NOL4: variants seen among roughly 807,000 people sequenced by gnomAD.
NOL4 encodes cancer/testis antigen 125.
NOL4 carries 17 observed loss-of-function variants against 75.9 expected under a neutral mutation model. The observed-to-expected ratio is 0.22, with a 90% confidence interval of 0.15 to 0.34. The LOEUF (loss-of-function observed/expected upper bound fraction) is 0.34. Ranked by LOEUF, NOL4 falls within the 10% of genes least tolerant of loss-of-function variation. The pLI is 1.00. For synonymous variants in NOL4, 292 were observed against 289.9 expected, an observed-to-expected ratio of 1.01 and a Z score of -0.07; for missense variants, 614 against 793.5, an observed-to-expected ratio of 0.77 and a Z score of 2.72.
chr18:33,880,702 C>T lies in NOL4; in HGVS notation c.1723+2542G>A, dbSNP rs538456471. ...CATGAAGTTGGAGAAATTCCTGGCC[C>T]CTCAAATTTTCCAAATCAAAAGCCT... On this transcript the variant is annotated intron_variant, in intron 10 of 10. Coordinates refer to ENST00000261592, the MANE Select transcript of NOL4 (RefSeq NM_003787.5). Among the ~76,000 whole-genome samples the T allele has an allele frequency of 2.2e-4, 34 of 152,042 alleles. No homozygotes were observed. The South Asian group carries it at 4.2e-3, about 19-fold the overall frequency.
At chr18:34,192,407 C>A (rs1024326340) in intron 1 of NOL4, among the ~76,000 whole-genome samples, 11 of 152,084 alleles carry the variant, frequency 7.2e-5, no homozygotes, top group Admixed American at 2.0e-4. Context: ...ATAGCCAAAG[C>A]AATCTTGAGC....
intron 1 of NOL4, among the ~76,000 whole-genome samples, chr18:34,211,968 T>C (rs1254959349): frequency 6.6e-6 from 1 of 152,180 alleles, no homozygotes; most frequent in Non-Finnish European, 1.5e-5. Context: ...AATTATAGAA[T>C]GGTTATTTCT....
At chr18:34,050,770 G>A (rs59039296) in intron 5 of NOL4, among the ~76,000 whole-genome samples, 5,428 of 152,162 alleles carry the variant, frequency 0.036, 164 homozygotes, top group South Asian at 0.095. Context: ...TAGGGAAAAT[G>A]AGAGTAGGAA....
At chr18:34,221,891 C>G in intron 1 of NOL4, 1 of 695,072 alleles carries the variant, frequency 1.4e-6, no homozygotes, top group Admixed American at 2.7e-5. Context: ...TCCAGGAATA[C>G]TGCACCGGGA....
intron 5 of NOL4, among the ~76,000 whole-genome samples, chr18:34,023,030 A>G (rs1005623247): frequency 2.0e-5 from 3 of 152,178 alleles, no homozygotes; most frequent in Non-Finnish European, 4.4e-5. Context: ...TACCAAGGTA[A>G]CTAAATTCAA....
At chr18:33,975,398 A>G (rs912693144) in intron 6 of NOL4, among the ~76,000 whole-genome samples, 2 of 152,214 alleles carry the variant, frequency 1.3e-5, no homozygotes, top group African/African-American at 4.8e-5. Context: ...AAGGTAAGGA[A>G]TATCTTCTTC....
intron 9 of NOL4, among the ~76,000 whole-genome samples, chr18:33,884,525 A>G (rs1208676823): frequency 6.6e-6 from 1 of 152,154 alleles, no homozygotes; most frequent in Non-Finnish European, 1.5e-5. Context: ...CAATAGCAAT[A>G]CAGATTGAAT....
At chr18:34,062,970 T>C (rs915710828) in intron 5 of NOL4, among the ~76,000 whole-genome samples, 8 of 152,278 alleles carry the variant, frequency 5.3e-5, no homozygotes, top group Admixed American at 3.9e-4. Flanking sequence ...CTTTATATCA[T>C]AGAATTACGG....
intron 2 of NOL4, 79 bp downstream of exon 2, chr18:34,129,792 T>G: frequency 7.9e-7 from 1 of 1,273,680 alleles, no homozygotes; most frequent in Non-Finnish European, 1.0e-6. Context: ...ATATTTATAA[T>G]TATCGAACCC....
chr18:33,862,487 C>T (rs1403339661), intron 10 of NOL4, among the ~76,000 whole-genome samples: 4 of 151,920 alleles, frequency 2.6e-5, no homozygotes, highest in Admixed American at 2.0e-4. Context: ...ACCGGCAACG[C>T]ACAAAATGGG....
chr18:34,092,149 T>C (rs1039710055), intron 5 of NOL4, among the ~76,000 whole-genome samples: 5 of 151,940 alleles, frequency 3.3e-5, no homozygotes, highest in Non-Finnish European at 7.4e-5. Flanking sequence ...TTACTAAGAA[T>C]ATTTCAGTTA....
intron 9 of NOL4, among the ~76,000 whole-genome samples, chr18:33,921,873 T>C (rs1485664345): frequency 2.6e-5 from 4 of 152,164 alleles, no homozygotes; most frequent in African/African-American, 9.7e-5. Context: ...TTTTAGTAAC[T>C]GTATCTGATC....
At chr18:33,973,863 G>A (rs1253952709) in intron 6 of NOL4, among the ~76,000 whole-genome samples, 1 of 152,188 alleles carries the variant, frequency 6.6e-6, no homozygotes, top group Non-Finnish European at 1.5e-5. Flanking sequence ...CACAGGCAGT[G>A]TAGATTTAGC....
intron 6 of NOL4, among the ~76,000 whole-genome samples, chr18:33,975,067 C>T (rs1466013706): frequency 3.2e-5 from 3 of 95,136 alleles, no homozygotes; most frequent in South Asian, 5.2e-4. Flanking sequence ...AAGACCCTCA[C>T]AAAAAAGCAA....
chr18:33,907,582 CACAATGGAGGT>C (rs944261138), intron 9 of NOL4, among the ~76,000 whole-genome samples: 1 of 152,016 alleles, frequency 6.6e-6, no homozygotes, highest in Non-Finnish European at 1.5e-5. Flanking sequence ...CTTTTAGAAG[CACAATGGAGGT>C]ACATTTTTTT....
intron 8 of NOL4, among the ~76,000 whole-genome samples, chr18:33,945,599 T>C (rs2068780463): frequency 7.5e-6 from 1 of 133,674 alleles, no homozygotes; most frequent in African/African-American, 2.5e-5. Flanking sequence ...TCTCATAAAC[T>C]AGAGTAATGT....
intron 5 of NOL4, among the ~76,000 whole-genome samples, chr18:34,082,206 C>G (rs141769424): frequency 1.3e-5 from 2 of 152,086 alleles, no homozygotes; most frequent in Non-Finnish European, 2.9e-5. Context: ...ATAATAAATG[C>G]GGTGGTTACA....
chr18:34,092,030 T>C (rs2078546050), intron 5 of NOL4, among the ~76,000 whole-genome samples: 1 of 151,552 alleles, frequency 6.6e-6, no homozygotes, highest in Admixed American at 6.6e-5. Context: ...TCCTCTACAT[T>C]CTCTATACAC....
intron 9 of NOL4, among the ~76,000 whole-genome samples, chr18:33,898,536 T>C (rs1164951956): frequency 6.6e-6 from 1 of 152,148 alleles, no homozygotes; most frequent in Non-Finnish European, 1.5e-5. Flanking sequence ...TAATGCACCA[T>C]GCCATTTTTT....
Sources: allele counts gnomAD v4.1 joint callset (sites outside exome capture counted in the v4.1 genomes callset), GRCh38; gene constraint gnomAD v4.1.1; transcripts MANE v1.5; gene names NCBI Gene and HGNC (gene_info 2026-07-23, HGNC 2026-07-21).